USHBP1: variants seen among roughly 807,000 people sequenced by gnomAD.
USHBP1 encodes the protein USH1 protein network component harmonin binding protein 1, also known as harmonin-binding protein USHBP1.
USHBP1 carries 67 observed loss-of-function variants against 76.2 expected under a neutral mutation model. The observed-to-expected ratio is 0.88, with a 90% CI of 0.72 to 1.08. The LOEUF (loss-of-function observed/expected upper bound fraction) is 1.08. USHBP1 is among the 50% of genes least tolerant of loss of function. The pLI is 0.00. For synonymous variants in USHBP1, 322 were observed against 362.2 expected (o/e 0.89, Z 1.26); for missense variants, 931 against 915.0 (o/e 1.02, Z -0.23).
At chr19:17,255,787 G>A (rs2073612413) in intron 9 of USHBP1, among the ~76,000 whole-genome samples, 181 bp from the exon 10 acceptor site, 2 of 152,122 alleles carry the variant, frequency 1.3e-5, no homozygotes, top group South Asian at 4.1e-4. Context: ...GATTACCTGA[G>A]GTCAGGAGTT....
At position 17,256,695 on chromosome 19, in the gene USHBP1, G is replaced by A. The variant is rs567845003; in HGVS notation, c.1246C>T (p.Pro416Ser). 6.2e-7 allele frequency: 1 copy of A among 1,614,198 alleles called. No individual in the cohort carries two copies. Among genetic ancestry groups the A allele is most frequent in the South Asian group, 1.1e-5 (1 of 91,080 alleles). ...TGGAAAGCCACTTCCTGTGGGGTGGGCTTATCCACACTGCTGCCTTCAGGG... is the reference window on the plus strand; with the variant it reads ...TGGAAAGCCACTTCCTGTGGGGTGGACTTATCCACACTGCTGCCTTCAGGG... ...PSPEGSSVDK[P>S]TPQEVAFQLR... is the part of the protein sequence containing the mutation. The change falls in exon 9 of 13, where the codon CCC becomes TCC. Residue 416 changes from proline to serine, a missense_variant. Transcript: ENST00000252597.
At chr19:17,254,078 T>C (rs188532087) in intron 10 of USHBP1, among the ~76,000 whole-genome samples, 229 of 152,018 alleles carry the variant, frequency 1.5e-3, no homozygotes, top group African/African-American at 5.4e-3. Flanking sequence ...GCACGGTGGC[T>C]CACGCCTGTA....
chr19:17,256,403 C>T lies in USHBP1; in HGVS notation c.1470+68G>A, dbSNP rs2073619245. 2.5e-6 allele frequency: 4 copies of T among 1,589,132 alleles called. No individual in the cohort carries two copies. The African/African-American group carries it at 5.4e-5, about 21-fold the overall frequency. On this transcript the variant is annotated intron_variant, in intron 9 of 12. Transcript: ENST00000252597. ...CAGAATTCTCCTTTGCTCCTTGGTC[C>T]CCCGACCTCAGTAAAGGATTTTGTC...
rs2073706846 is a variant in USHBP1 at position 17,262,797 on chromosome 19, C to T, written c.397G>A (p.Ala133Thr). The T allele has an allele frequency of 1.2e-6, 2 of 1,614,064 alleles. No homozygotes were observed. The highest frequency in any genetic ancestry group is 1.7e-6 in the Non-Finnish European group (2 of 1,180,038). The change falls in exon 4 of 13, where the codon GCT becomes ACT. Residue 133 changes from alanine to threonine, a missense_variant. Coordinates refer to ENST00000252597, the MANE Select transcript of USHBP1 (RefSeq NM_031941.4). Reference protein sequence around the residue: ...QHTLSSLEAAAAAWRHQPPSH... With the variant: ...QHTLSSLEAATAAWRHQPPSH... ...GGGGGCTGGTGGCGCCAGGCTGCAG[C>T]CGCTGCCTCCAGGGAGCTCAGAGTG...
rs761886331 is a variant in USHBP1, at chr19:17,258,309, T to TGG, written c.1121_1122dup (p.Met375ProfsTer2). 4.3e-6 allele frequency: 7 copies of TGG among 1,614,076 alleles called. No homozygotes were observed. In the South Asian group the frequency reaches 7.7e-5, roughly 18 times the overall value. ...TTTTCAGCTGCTTGCAGGTCACTCA[T>TGG]GGGGGCTTCGTCTCCTGCTCCTGAG... On this transcript the variant is annotated frameshift_variant, in exon 8 of 13. Transcript: ENST00000252597. LOFTEE classifies it high-confidence loss of function.
Position 17,256,465 on chromosome 19 carries a change from T to C in USHBP1, c.1470+6A>G, listed in dbSNP as rs1463364167. On this transcript the variant is annotated splice_donor_region_variant and intron_variant, in intron 9 of 12. Transcript: ENST00000252597. ...GACTGACACAGTGGCCACAGCCCAT[T>C]TGTACCCTTGCGGCCACCAGGTCCT... 1.2e-6 allele frequency: 2 copies of C among 1,612,776 alleles called. No individual in the cohort carries two copies. Among genetic ancestry groups the C allele is most frequent in the African/African-American group, 2.7e-5 (2 of 74,816 alleles).
At position 17,259,137 on chromosome 19, in the gene USHBP1, C is replaced by G. The variant is rs1599474260; in HGVS notation, c.1046+152G>C. 1.6e-5 allele frequency: 18 copies of G among 1,154,864 alleles called. 1 individual carries two copies. The South Asian group carries it at 3.2e-4, about 20-fold the overall frequency. The allele number at this position is 1,154,864 out of a possible 1,614,324, so 71.5% of individuals were successfully genotyped here. A position where few individuals can be genotyped will look rare whatever the true frequency, so the allele number is the denominator to read the frequency against. On this transcript the variant is annotated intron_variant, in intron 7 of 12. Transcript: ENST00000252597. ...CTGAGATCTCACCACTGCACTCCAG[C>G]CTGGGCAACACAGCGAGATTCTGTC...
At position 17,256,579 on chromosome 19, in the gene USHBP1, A is replaced by G; in HGVS notation, c.1362T>C (p.Thr454=). The change falls in exon 9 of 13, where the codon ACT becomes ACC. Residue 454 remains threonine (T), a synonymous_variant. Coordinates refer to ENST00000252597, the MANE Select transcript of USHBP1 (RefSeq NM_031941.4). ...GCACCATGGCTTCTGCACGGGGCAC[A>G]GTGGGCATGGGTGCCAAGGTGGGGC... is the stretch of plus-strand genomic sequence containing the variant. The part of the protein sequence containing the change: ...EPGPTLAPMP[T]VPRAEAMVQA... The G allele has an allele frequency of 6.2e-7, 1 of 1,614,188 alleles. No individual in the cohort carries two copies. The highest frequency in any genetic ancestry group is 8.5e-7 in the Non-Finnish European group (1 of 1,180,024).
Position 17,259,387 on chromosome 19 carries a change from A to G in USHBP1, c.948T>C (p.Ala316=). The G allele has an allele frequency of 6.2e-7, 1 of 1,614,150 alleles. No individual in the cohort carries two copies. Among genetic ancestry groups the G allele is most frequent in the Non-Finnish European group, 8.5e-7 (1 of 1,180,038 alleles). ...KLKCFNRLLS[A]VLQGYKGRCE... ...AGCGGCCCTTGTATCCCTGTAGCAC[A>G]GCTGATAGCAGACGATTAAAGCATT... The change falls in exon 7 of 13, where the codon GCT becomes GCC. Residue 316 remains alanine, a synonymous_variant. Coordinates refer to ENST00000252597, the MANE Select transcript of USHBP1 (RefSeq NM_031941.4).
At chr19:17,253,703 G>T in intron 10 of USHBP1, among the ~76,000 whole-genome samples, 1 of 149,396 alleles carries the variant, frequency 6.7e-6, no homozygotes, top group Non-Finnish European at 1.5e-5. Context: ...AGAGCAGCCT[G>T]GCCAACATGG....
chr19:17,255,740 C>T (rs1340022296), intron 9 of USHBP1, 134 bp from the exon 10 acceptor site: 2 of 972,160 alleles, frequency 2.1e-6, no homozygotes, highest in East Asian at 5.4e-5. Context: ...GTGGCTCATG[C>T]CTGTAATCCC....
chr19:17,259,729 A>G lies in USHBP1; in HGVS notation c.772T>C (p.Ser258Pro). ...AGCAGGGGGTGAGCCAGGGAGAAGG[A>G]GTCCTGCCAAGAAGAAGTGATATAA... ...ADREPWETQD[S>P]FSLAHPLLRR... The change falls in exon 6 of 13, where the codon TCC becomes CCC. Residue 258 changes from serine to proline, a missense_variant. Transcript: ENST00000252597. 2 of 1,608,486 alleles carry G rather than the reference A, an allele frequency of 1.2e-6. No homozygotes were observed. The highest frequency in any genetic ancestry group is 1.7e-6 in the Non-Finnish European group (2 of 1,177,746).
chr19:17,264,430 G>A, intron 1 of USHBP1, 83 bp from the exon 2 acceptor site: 2 of 1,098,798 alleles, frequency 1.8e-6, no homozygotes, highest in Non-Finnish European at 2.6e-6. Context: ...GTGAAATGGG[G>A]CACTGACTAC....
At chr19:17,258,432 G>T in intron 7 of USHBP1, 47 bp from the exon 8 acceptor site, 2 of 1,582,142 alleles carry the variant, frequency 1.3e-6, no homozygotes, top group Non-Finnish European at 8.6e-7. Context: ...AGCTCGGCTG[G>T]GTGCAATGGC....
In USHBP1 at chr19:17,262,646, A is replaced by AGCCAGGCATTCCTCTCG. The variant is rs773319677; in HGVS notation, c.531_547dup (p.Leu183ProfsTer11). 2.5e-6 allele frequency: 4 copies of AGCCAGGCATTCCTCTCG among 1,613,892 alleles called. No homozygotes were observed. The highest frequency in any genetic ancestry group is 2.2e-5 in the East Asian group (1 of 44,872). On this transcript the variant is annotated frameshift_variant, in exon 4 of 13. Transcript: ENST00000252597. LOFTEE classifies it high-confidence loss of function. ...CTCTCGGCTACTCAGGGCCAGCCGG[A>AGCCAGGCATTCCTCTCG]GCCAGGCATTCCTCTCGGCCAGGCG...
rs1373326577 is a variant in USHBP1 at position 17,259,320 on chromosome 19, C to T, written c.1015G>A (p.Ala339Thr). 6.2e-7 allele frequency: 1 copy of T among 1,614,032 alleles called. No homozygotes were observed. Among genetic ancestry groups the T allele is most frequent in the Non-Finnish European group, 8.5e-7 (1 of 1,179,980 alleles). The change falls in exon 7 of 13, where the codon GCC (alanine) becomes ACC (threonine). Residue 339 changes from alanine to threonine, a missense_variant. Transcript: ENST00000252597. Reference sequence around the variant, plus strand: ...TGCAAGGCCAGATGCAATGCTGTGGCCTCAGCCTCCCGCTGGCCTAGCTGC... The same window carrying T: ...TGCAAGGCCAGATGCAATGCTGTGGTCTCAGCCTCCCGCTGGCCTAGCTGC... ...SMQLGQREAEATALHLALQYS... is the reference protein window; with the variant it reads ...SMQLGQREAETTALHLALQYS...
Position 17,255,796 on chromosome 19 carries a change from T to C in USHBP1, c.1471-190A>G, listed in dbSNP as rs533354949. On this transcript the variant is annotated intron_variant, in intron 9 of 12. Transcript: ENST00000252597. ...TGGGTGGATTACCTGAGGTCAGGAG[T>C]TCGAGACGAGCCTGGCCAACATGGT... 2.4e-3 allele frequency among the ~76,000 whole-genome samples: 367 copies of C among 152,028 alleles called. 1 individual carries two copies. The highest frequency in any genetic ancestry group is 8.3e-3 in the African/African-American group (346 of 41,472).
chr19:17,256,816 A>C, intron 8 of USHBP1, 96 bp from the exon 9 acceptor site: 252 of 1,523,936 alleles, frequency 1.7e-4, no homozygotes, highest in Non-Finnish European at 2.1e-4. Context: ...CTTCCATCTC[A>C]CTGGCCACGA....
At chr19:17,263,274 G>A (rs573589685) in intron 3 of USHBP1, 1 of 269,982 alleles carries the variant, frequency 3.7e-6, no homozygotes, top group Admixed American at 4.9e-5. Flanking sequence ...CTGACCTCAG[G>A]TGATCCGCCC....
Sources: gnomAD v4.1 joint callset for allele counts (sites outside exome capture counted in the v4.1 genomes callset) on GRCh38, gnomAD v4.1.1 for gene constraint, MANE v1.5 for transcripts, NCBI Gene and HGNC (gene_info 2026-07-23, HGNC 2026-07-21) for gene names.